Variants in GALNT13 observed in about 807,000 individuals in gnomAD.
GALNT13 encodes the protein polypeptide N-acetylgalactosaminyltransferase 13.
A neutral mutation model predicts 64.2 loss-of-function variants in GALNT13; 28 were observed. The observed-to-expected ratio is 0.44, with a 90% confidence interval of 0.32 to 0.60. The LOEUF is 0.60. GALNT13 is among the 20% of genes least tolerant of loss of function. The pLI is 0.05. For missense variants in GALNT13, 577 were observed against 669.8 expected (o/e 0.86, Z 1.53); for synonymous variants, 214 against 224.6 (o/e 0.95, Z 0.42).
At chr2:154,060,970 A>G (rs1700148492) in intron 3 of GALNT13, among the ~76,000 whole-genome samples, 1 of 152,120 alleles carries the variant, frequency 6.6e-6, no homozygotes, top group Non-Finnish European at 1.5e-5. Flanking sequence ...AAATTGATTT[A>G]CATCAAGATC....
intron 4 of GALNT13, among the ~76,000 whole-genome samples, chr2:154,157,467 C>A (rs1187432407): frequency 6.6e-6 from 1 of 152,122 alleles, no homozygotes; most frequent in African/African-American, 2.4e-5. Flanking sequence ...CCTACCTCAG[C>A]CTCCTAAATA....
chr2:153,687,074 T>G, the GALNT13 span, among the ~76,000 whole-genome samples: 2 of 152,062 alleles, frequency 1.3e-5, no homozygotes, highest in Admixed American at 1.3e-4. Context: ...TACATTGAAG[T>G]TTATCAAGGA....
the GALNT13 span, among the ~76,000 whole-genome samples, chr2:153,618,813 T>G: frequency 6.6e-6 from 1 of 152,008 alleles, no homozygotes; most frequent in Admixed American, 6.6e-5. Context: ...TTGAAACCTA[T>G]TTTATTTGAT....
chr2:153,638,386 T>C, the GALNT13 span, among the ~76,000 whole-genome samples: 1 of 152,084 alleles, frequency 6.6e-6, no homozygotes, highest in Non-Finnish European at 1.5e-5. Context: ...CAAGGAGATA[T>C]TGCAAAAATC....
At position 154,066,457 on chromosome 2, in the gene GALNT13, A is replaced by AT. The variant is rs371540525; in HGVS notation, c.143-73879dup. Among the ~76,000 whole-genome samples, 29 of 151,930 alleles carry AT rather than the reference A, an allele frequency of 1.9e-4. No individual in the cohort carries two copies. In the East Asian group the frequency reaches 2.3e-3, roughly 12 times the overall value. Reference sequence around the variant, plus strand: ...ATAATCAAACTCTCAAAGGTGAAAGATAAAAAAAAGGATCCTAAATGCAGC... The same window carrying AT: ...ATAATCAAACTCTCAAAGGTGAAAGATTAAAAAAAAGGATCCTAAATGCAGC... On this transcript the variant is annotated intron_variant, in intron 3 of 12. Coordinates refer to ENST00000392825, the MANE Select transcript of GALNT13 (RefSeq NM_052917.4).
intron 9 of GALNT13, among the ~76,000 whole-genome samples, chr2:154,380,464 T>G (rs2105330640): frequency 6.6e-6 from 1 of 152,200 alleles, no homozygotes; most frequent in South Asian, 2.1e-4. Flanking sequence ...AAAGTTCAAC[T>G]CTTAAAATAT....
rs371281483 is a variant in GALNT13, at chr2:154,106,482, T to G, written c.143-33855T>G. 3.3e-5 allele frequency among the ~76,000 whole-genome samples: 5 copies of G among 152,184 alleles called. No individual in the cohort carries two copies. The East Asian group carries it at 5.8e-4, about 18-fold the overall frequency. On this transcript the variant is annotated intron_variant, in intron 3 of 12. Transcript: ENST00000392825. Reference sequence around the variant, plus strand: ...TATTACTTCTTTGTAAAAAATCTGTTGAATATATTTACATGAGTATATTTG... The same window carrying G: ...TATTACTTCTTTGTAAAAAATCTGTGGAATATATTTACATGAGTATATTTG...
intron 9 of GALNT13, among the ~76,000 whole-genome samples, chr2:154,357,129 A>T (rs1696797798): frequency 6.6e-6 from 1 of 151,874 alleles, no homozygotes. Flanking sequence ...AGTTTTGGGG[A>T]CGTACATTTC....
intron 11 of GALNT13, among the ~76,000 whole-genome samples, chr2:154,429,074 G>T (rs185436333): frequency 1.3e-5 from 2 of 152,010 alleles, no homozygotes; most frequent in Non-Finnish European, 2.9e-5. Flanking sequence ...CCTATCTCTC[G>T]CTCCACAGGG....
chr2:153,771,552 G>A, the GALNT13 span, among the ~76,000 whole-genome samples: 1 of 151,914 alleles, frequency 6.6e-6, no homozygotes, highest in South Asian at 2.1e-4. Context: ...ATCTAGGGTG[G>A]CTCAGTCTCC....
chr2:153,868,898 A>G (rs891179132), upstream of GALNT13, among the ~76,000 whole-genome samples: 1 of 152,238 alleles, frequency 6.6e-6, no homozygotes, highest in African/African-American at 2.4e-5. Context: ...TGACTTTTTA[A>G]TAACTTTCAA....
At chr2:154,037,041 C>T (rs973775406) in intron 3 of GALNT13, among the ~76,000 whole-genome samples, 4 of 151,958 alleles carry the variant, frequency 2.6e-5, no homozygotes, top group African/African-American at 9.7e-5. Flanking sequence ...TTTTCTTAAC[C>T]TTTTATGGTT....
intron 1 of GALNT13, among the ~76,000 whole-genome samples, chr2:153,885,749 A>C (rs10192289): frequency 0.3 from 46,195 of 151,932 alleles, 7,716 homozygotes; most frequent in East Asian, 0.68. Flanking sequence ...ATCTTAGATC[A>C]GCAGCTGCTC....
At chr2:153,229,931 A>G in the GALNT13 span, among the ~76,000 whole-genome samples, 1 of 152,126 alleles carries the variant, frequency 6.6e-6, no homozygotes, top group Non-Finnish European at 1.5e-5. Context: ...AGTTTTATAC[A>G]CTCAGCACCT....
the GALNT13 span, among the ~76,000 whole-genome samples, chr2:153,583,140 C>A: frequency 1.3e-5 from 2 of 151,948 alleles, no homozygotes; most frequent in Admixed American, 6.6e-5. Flanking sequence ...TTTCACTTGG[C>A]GTGGAGGTCA....
At chr2:154,213,736 A>G (rs762742270) in intron 4 of GALNT13, among the ~76,000 whole-genome samples, 2 of 152,184 alleles carry the variant, frequency 1.3e-5, no homozygotes, top group Admixed American at 6.5e-5. Flanking sequence ...GGAGTGGGAA[A>G]TCATGTTTTT....
At chr2:153,666,364 A>G in the GALNT13 span, among the ~76,000 whole-genome samples, 2 of 152,014 alleles carry the variant, frequency 1.3e-5, no homozygotes, top group Non-Finnish European at 2.9e-5. Context: ...CACCAATCCC[A>G]CTGTGCCACC....
At chr2:153,251,390 G>A in the GALNT13 span, among the ~76,000 whole-genome samples, 1,574 of 152,072 alleles carry the variant, frequency 0.01, 26 homozygotes, top group African/African-American at 0.036. Context: ...GACAATTGTC[G>A]TCTTGTTTTG....
In GALNT13 at chr2:154,241,215, G is replaced by A. The variant is rs1232879253; in HGVS notation, c.312-815G>A. 2.6e-5 allele frequency among the ~76,000 whole-genome samples: 4 copies of A among 152,280 alleles called. No individual in the cohort carries two copies. The East Asian group carries it at 5.8e-4, about 22-fold the overall frequency. On this transcript the variant is annotated intron_variant, in intron 4 of 12. Coordinates refer to ENST00000392825, the MANE Select transcript of GALNT13 (RefSeq NM_052917.4). ...CGGGGGTGGTTATAGGCACAGGATG[G>A]CAGGCCAGGGCGGTCTTGGGAAATC... is the stretch of plus-strand genomic sequence containing the variant.
Sources: allele counts gnomAD v4.1 joint callset (sites outside exome capture counted in the v4.1 genomes callset), GRCh38; gene constraint gnomAD v4.1.1; transcripts MANE v1.5; gene names NCBI Gene and HGNC (gene_info 2026-07-23, HGNC 2026-07-21).